The following SLC9A9 variants were observed in gnomAD, a reference collection of about 807,000 sequenced individuals.
SLC9A9 encodes solute carrier family 9 member A9, also known as sodium/hydrogen exchanger 9.
In SLC9A9, 62 loss-of-function variants were observed where a neutral mutation model predicts 77.8. That is an observed-to-expected ratio of 0.80 (90% CI 0.65 to 0.98). The LOEUF is 0.98. SLC9A9 is among the 50% of genes least tolerant of loss of function. The pLI is 0.00. For synonymous variants in SLC9A9, 320 were observed against 283.5 expected (o/e 1.13, Z -1.29); for missense variants, 775 against 774.9 (o/e 1.00, Z 0.00).
intron 3 of SLC9A9, among the ~76,000 whole-genome samples, chr3:143,796,537 C>CA (rs1474280660): frequency 6.6e-6 from 1 of 152,030 alleles, no homozygotes; most frequent in African/African-American, 2.4e-5. Context: ...TGAATAAATA[C>CA]AAAATCTTTA....
At chr3:143,693,439 C>T in intron 4 of SLC9A9, 132 bp from the exon 5 acceptor site, 1 of 744,210 alleles carries the variant, frequency 1.3e-6, no homozygotes, top group Admixed American at 2.0e-5. Flanking sequence ...TGCCAAATGA[C>T]AGCCGTGCTA....
intron 6 of SLC9A9, among the ~76,000 whole-genome samples, chr3:143,628,589 A>G (rs1217473947): frequency 3.3e-5 from 5 of 152,208 alleles, no homozygotes; most frequent in South Asian, 2.1e-4. Flanking sequence ...TGTACATTGG[A>G]GACCATCTGT....
chr3:143,461,053 C>T (rs1379004817), intron 12 of SLC9A9, among the ~76,000 whole-genome samples: 1 of 152,058 alleles, frequency 6.6e-6, no homozygotes, highest in East Asian at 1.9e-4. Flanking sequence ...TAAATTGATA[C>T]AAAGTATACA....
intron 12 of SLC9A9, among the ~76,000 whole-genome samples, chr3:143,396,001 G>T (rs2033719427): frequency 6.6e-6 from 1 of 152,190 alleles, no homozygotes; most frequent in African/African-American, 2.4e-5. Flanking sequence ...ACTGTTGGTG[G>T]GACTGTAAGC....
chr3:143,822,335 T>C (rs73159807), intron 2 of SLC9A9, among the ~76,000 whole-genome samples: 5,675 of 152,220 alleles, frequency 0.037, 147 homozygotes, highest in South Asian at 0.082. Flanking sequence ...ATATGACAGT[T>C]AGAAAGAAAG....
intron 14 of SLC9A9, among the ~76,000 whole-genome samples, chr3:143,320,386 G>C (rs2031376199): frequency 6.6e-6 from 1 of 152,190 alleles, no homozygotes; most frequent in African/African-American, 2.4e-5. Context: ...TAGTCTTCTT[G>C]TGTTGCTATA....
At chr3:143,385,216 A>G (rs2033396699) in intron 12 of SLC9A9, among the ~76,000 whole-genome samples, 1 of 151,994 alleles carries the variant, frequency 6.6e-6, no homozygotes, top group African/African-American at 2.4e-5. Flanking sequence ...ATATGTTGAC[A>G]TATTGTCCCT....
chr3:143,472,946 G>A (rs2035403331), intron 11 of SLC9A9, among the ~76,000 whole-genome samples: 1 of 141,042 alleles, frequency 7.1e-6, no homozygotes, highest in African/African-American at 2.4e-5. Context: ...CCATAAGCAG[G>A]TTACCTCATC....
intron 4 of SLC9A9, among the ~76,000 whole-genome samples, chr3:143,751,183 T>G (rs1481218473): frequency 6.6e-6 from 1 of 152,190 alleles, no homozygotes; most frequent in Non-Finnish European, 1.5e-5. Flanking sequence ...TGCTGCTGTC[T>G]AAACAGGCTC....
At chr3:143,546,662 G>A (rs2036796652) in intron 9 of SLC9A9, among the ~76,000 whole-genome samples, 1 of 152,090 alleles carries the variant, frequency 6.6e-6, no homozygotes, top group Non-Finnish European at 1.5e-5. Context: ...TTTAGTAAGA[G>A]GCAACATAGT....
intron 14 of SLC9A9, among the ~76,000 whole-genome samples, chr3:143,317,843 T>C (rs1457527445): frequency 1.3e-5 from 2 of 152,190 alleles, no homozygotes; most frequent in Admixed American, 6.5e-5. Flanking sequence ...TTCTCCTGCT[T>C]CAGCCTCCCG....
intron 5 of SLC9A9, among the ~76,000 whole-genome samples, chr3:143,654,213 T>C (rs1383795635): frequency 6.6e-6 from 1 of 152,342 alleles, no homozygotes; most frequent in Non-Finnish European, 1.5e-5. Context: ...CTGCAAGATA[T>C]GCATATTTCA....
chr3:143,298,263 A>G (rs2030365047), intron 14 of SLC9A9, among the ~76,000 whole-genome samples: 1 of 152,222 alleles, frequency 6.6e-6, no homozygotes, highest in Admixed American at 6.5e-5. Flanking sequence ...GTACTGGGGC[A>G]CACAGACAGG....
chr3:143,593,203 T>A (rs958185568), intron 6 of SLC9A9, among the ~76,000 whole-genome samples: 1 of 152,166 alleles, frequency 6.6e-6, no homozygotes, highest in South Asian at 2.1e-4. Flanking sequence ...TGTCCAAAGG[T>A]AGGGCTCCTC....
intron 9 of SLC9A9, among the ~76,000 whole-genome samples, chr3:143,523,249 C>T (rs1003273380): frequency 6.6e-6 from 1 of 152,082 alleles, no homozygotes; most frequent in Admixed American, 6.5e-5. Context: ...CAAAACAATG[C>T]TTAGCTTTGC....
At chr3:143,559,178 A>G (rs2037040282) in intron 8 of SLC9A9, among the ~76,000 whole-genome samples, 2 of 152,184 alleles carry the variant, frequency 1.3e-5, no homozygotes, top group African/African-American at 4.8e-5. Flanking sequence ...TCTTCTCTTT[A>G]TAAATTACCC....
chr3:143,744,280 C>T (rs78638055), intron 4 of SLC9A9, among the ~76,000 whole-genome samples: 7 of 152,244 alleles, frequency 4.6e-5, no homozygotes, highest in East Asian at 1.9e-4. Context: ...TGGTGGAAAC[C>T]GCTGATACCC....
intron 9 of SLC9A9, among the ~76,000 whole-genome samples, chr3:143,504,742 T>C (rs1203750082): frequency 1.3e-5 from 2 of 152,208 alleles, no homozygotes; most frequent in African/African-American, 4.8e-5. Flanking sequence ...AAAACCTTTA[T>C]GTTATAAAGT....
intron 5 of SLC9A9, among the ~76,000 whole-genome samples, chr3:143,662,345 G>A (rs2038990963): frequency 6.6e-6 from 1 of 152,216 alleles, no homozygotes; most frequent in South Asian, 2.1e-4. Flanking sequence ...TTTCAAGATG[G>A]CCGAATAGGA....
Sources: allele counts gnomAD v4.1 joint callset (sites outside exome capture counted in the v4.1 genomes callset), GRCh38; gene constraint gnomAD v4.1.1; transcripts MANE v1.5; gene names NCBI Gene and HGNC (gene_info 2026-07-23, HGNC 2026-07-21).